Variants in KCNIP4 observed in about 807,000 individuals in gnomAD.
KCNIP4 encodes Kv channel-interacting protein 4.
In KCNIP4, 12 loss-of-function variants were observed where a neutral mutation model predicts 34.0. The ratio of observed to expected loss-of-function variants is 0.35; its 90% CI spans 0.23 to 0.57. The LOEUF is 0.57. Ranked by LOEUF, KCNIP4 falls within the 20% of genes least tolerant of loss-of-function variation. The probability of loss-of-function intolerance (pLI) is 0.83; values close to 1 mark genes in which losing one functional copy is unlikely to be tolerated. For synonymous variants in KCNIP4, 124 were observed against 102.2 expected, an observed-to-expected ratio of 1.21 and a Z score of -1.29; for missense variants, 238 against 311.7, an observed-to-expected ratio of 0.76 and a Z score of 1.78.
At chr4:21,278,984 G>A (rs1264556933) in intron 1 of KCNIP4, among the ~76,000 whole-genome samples, 1 of 152,190 alleles carries the variant, frequency 6.6e-6, no homozygotes, top group African/African-American at 2.4e-5. Flanking sequence ...TGATAAGGGA[G>A]AATGTGTATA....
intron 1 of KCNIP4, among the ~76,000 whole-genome samples, chr4:21,633,307 A>C (rs955948192): frequency 6.6e-6 from 1 of 152,052 alleles, no homozygotes; most frequent in Non-Finnish European, 1.5e-5. Context: ...CATATAGTTG[A>C]GCTGTATTTC....
intron 2 of KCNIP4, among the ~76,000 whole-genome samples, chr4:20,882,323 C>T (rs1724783902): frequency 6.6e-6 from 1 of 152,032 alleles, no homozygotes; most frequent in South Asian, 2.1e-4. Context: ...AATAGGAATT[C>T]CTACAGTTAC....
chr4:21,478,629 A>C (rs924113720), intron 1 of KCNIP4, among the ~76,000 whole-genome samples: 3 of 152,200 alleles, frequency 2.0e-5, no homozygotes, highest in Non-Finnish European at 2.9e-5. Context: ...TAAGACCTTG[A>C]TTCAGTGATT....
At chr4:21,001,644 T>C (rs1203369800) in intron 1 of KCNIP4, among the ~76,000 whole-genome samples, 1 of 152,204 alleles carries the variant, frequency 6.6e-6, no homozygotes, top group Non-Finnish European at 1.5e-5. Context: ...CAGTAATTTA[T>C]TGAGTGCCTA....
intron 1 of KCNIP4, among the ~76,000 whole-genome samples, chr4:21,507,668 G>A (rs982319041): frequency 3.9e-5 from 6 of 152,138 alleles, no homozygotes; most frequent in African/African-American, 1.4e-4. Context: ...CTTGACTAGA[G>A]GAAAAGTTCT....
chr4:20,739,795 C>T (rs192647788), intron 5 of KCNIP4, among the ~76,000 whole-genome samples: 5 of 152,176 alleles, frequency 3.3e-5, no homozygotes, highest in East Asian at 3.9e-4. Flanking sequence ...CAAACTTCTC[C>T]GAACTAAAGG....
intron 1 of KCNIP4, among the ~76,000 whole-genome samples, chr4:21,123,882 A>G (rs1405030859): frequency 1.3e-5 from 2 of 152,276 alleles, no homozygotes; most frequent in East Asian, 1.9e-4. Context: ...AAGATGGCCA[A>G]CACCAGAACA....
intron 1 of KCNIP4, among the ~76,000 whole-genome samples, chr4:21,075,739 G>A (rs1336367014): frequency 6.6e-6 from 1 of 152,100 alleles, no homozygotes; most frequent in Admixed American, 6.6e-5. Flanking sequence ...TAGCATCGAT[G>A]GTCTTTACAA....
chr4:20,904,258 T>C (rs1320432615), intron 1 of KCNIP4, among the ~76,000 whole-genome samples: 2 of 151,588 alleles, frequency 1.3e-5, no homozygotes, highest in Non-Finnish European at 2.9e-5. Context: ...TTTTTATCAA[T>C]GATTGATTTT....
At chr4:21,005,732 C>T (rs975211509) in intron 1 of KCNIP4, among the ~76,000 whole-genome samples, 5 of 152,076 alleles carry the variant, frequency 3.3e-5, no homozygotes, top group African/African-American at 7.2e-5. Flanking sequence ...GCCTCATATC[C>T]GGAATGCTTA....
chr4:21,506,196 T>G (rs866005944), intron 1 of KCNIP4, among the ~76,000 whole-genome samples: 1 of 152,212 alleles, frequency 6.6e-6, no homozygotes, highest in African/African-American at 2.4e-5. Flanking sequence ...TGATTTTTTT[T>G]AATTTTTCAT....
intron 1 of KCNIP4, among the ~76,000 whole-genome samples, chr4:21,440,911 G>GA (rs1727413831): frequency 6.6e-6 from 1 of 152,006 alleles, no homozygotes; most frequent in Non-Finnish European, 1.5e-5. Context: ...TCAGGAAAAA[G>GA]AAAATTAATA....
Position 21,392,853 on chromosome 4 carries a change from T to C in KCNIP4, c.62-510144A>G, listed in dbSNP as rs566738130. On this transcript the variant is annotated intron_variant, in intron 1 of 8. Transcript: ENST00000382152. ...AAACAAACAAAAGACTAACAAAACA[T>C]TATGTACAAAGACAAGCACATTAGC... Among the ~76,000 whole-genome samples the C allele has an allele frequency of 3.2e-4, 48 of 152,276 alleles. 1 individual carries two copies. The South Asian group carries it at 9.5e-3, about 30-fold the overall frequency.
chr4:20,907,781 G>T (rs1727917052), intron 1 of KCNIP4, among the ~76,000 whole-genome samples: 1 of 150,790 alleles, frequency 6.6e-6, no homozygotes, highest in African/African-American at 2.4e-5. Context: ...GCAGTGGCGC[G>T]ATCTCGGCTC....
chr4:21,641,446 G>T (rs1746610396), intron 1 of KCNIP4, among the ~76,000 whole-genome samples: 2 of 152,186 alleles, frequency 1.3e-5, no homozygotes, highest in South Asian at 4.1e-4. Flanking sequence ...GCATCTAGTT[G>T]TTCACTTTGT....
chr4:20,948,376 C>G (rs568266246), intron 1 of KCNIP4, among the ~76,000 whole-genome samples: 1 of 152,246 alleles, frequency 6.6e-6, no homozygotes, highest in Non-Finnish European at 1.5e-5. Flanking sequence ...CCAGAGTTTC[C>G]CTGAGTCAAA....
At chr4:21,889,694 A>G (rs138229577) in intron 1 of KCNIP4, among the ~76,000 whole-genome samples, 16 of 152,254 alleles carry the variant, frequency 1.1e-4, no homozygotes, top group African/African-American at 3.6e-4. Context: ...TCGAGTAGGA[A>G]AAAACCTAGA....
intron 1 of KCNIP4, among the ~76,000 whole-genome samples, chr4:21,088,586 T>C (rs1746680610): frequency 6.6e-6 from 1 of 152,198 alleles, no homozygotes; most frequent in African/African-American, 2.4e-5. Context: ...CTCCTCAGAC[T>C]CATGATTCAT....
chr4:21,785,550 C>T (rs1430108886), intron 1 of KCNIP4, among the ~76,000 whole-genome samples: 1 of 151,122 alleles, frequency 6.6e-6, no homozygotes, highest in Non-Finnish European at 1.5e-5. Flanking sequence ...CGAGATTGCA[C>T]CCCTGCACTC....
Sources: allele counts gnomAD v4.1 joint callset (sites outside exome capture counted in the v4.1 genomes callset), GRCh38; gene constraint gnomAD v4.1.1; transcripts MANE v1.5; gene names NCBI Gene and HGNC (gene_info 2026-07-23, HGNC 2026-07-21).